SEMA3A: variants seen among roughly 807,000 people sequenced by gnomAD.
The protein encoded by SEMA3A is semaphorin 3A.
A neutral mutation model predicts 97.9 loss-of-function variants in SEMA3A; 29 were observed. The ratio of observed to expected loss-of-function variants is 0.30; its 90% CI spans 0.22 to 0.40. The LOEUF (loss-of-function observed/expected upper bound fraction) is 0.40. Among genes scored for constraint, SEMA3A ranks in the 10% least tolerant of loss-of-function variants. The probability of loss-of-function intolerance (pLI) is 1.00; values close to 1 mark genes in which losing one functional copy is unlikely to be tolerated. For synonymous variants in SEMA3A, 321 were observed against 323.7 expected (o/e 0.99, Z 0.09); for missense variants, 763 against 951.3 (o/e 0.80, Z 2.60).
At chr7:84,058,501 A>G (rs1447752707) in intron 5 of SEMA3A, among the ~76,000 whole-genome samples, 1 of 152,212 alleles carries the variant, frequency 6.6e-6, no homozygotes, top group African/African-American at 2.4e-5. Flanking sequence ...ACAGTTATAA[A>G]GAAAGCAAAT....
At chr7:83,969,654 G>T (rs889172770) in intron 15 of SEMA3A, among the ~76,000 whole-genome samples, 2 of 152,162 alleles carry the variant, frequency 1.3e-5, no homozygotes, top group Non-Finnish European at 2.9e-5. Flanking sequence ...TTATAACCCT[G>T]ATTATGATGG....
chr7:84,187,514 A>C (rs1408003935), intron 1 of SEMA3A, among the ~76,000 whole-genome samples: 1 of 151,962 alleles, frequency 6.6e-6, no homozygotes, highest in Non-Finnish European at 1.5e-5. Flanking sequence ...TGACCTGGAT[A>C]TTTTCTGATT....
chr7:84,368,069 T>G (rs1447634843), intron 2 of SEMA3A, among the ~76,000 whole-genome samples: 1 of 151,270 alleles, frequency 6.6e-6, no homozygotes, highest in East Asian at 1.9e-4. Flanking sequence ...CAATGTAATG[T>G]TATAGGTGCT....
chr7:84,071,364 C>T (rs1298566952), intron 4 of SEMA3A, among the ~76,000 whole-genome samples: 1 of 152,044 alleles, frequency 6.6e-6, no homozygotes, highest in African/African-American at 2.4e-5. Flanking sequence ...CATGAGATCA[C>T]AATCATACTA....
At position 84,014,426 on chromosome 7, in the gene SEMA3A, CT is replaced by C. The variant is rs1285742716; in HGVS notation, c.668-76del. The stretch of plus-strand genomic sequence containing the variant: ...TACCATTCTGAACAGTCCATTTTTA[CT>C]TTTTTTAACTCTTAATTGATATATT... On this transcript the variant is annotated intron_variant, in intron 6 of 16. Transcript: ENST00000265362. The C allele has an allele frequency of 8.0e-6, 9 of 1,118,226 alleles. No individual in the cohort carries two copies. The African/African-American group carries it at 8.3e-5, about 10-fold the overall frequency. The allele number at this position is 1,118,226 out of a possible 1,614,324, so 69.3% of individuals were successfully genotyped here.
chr7:84,432,632 T>TA (rs1805011494), intron 1 of SEMA3A, among the ~76,000 whole-genome samples: 1 of 152,164 alleles, frequency 6.6e-6, no homozygotes, highest in African/African-American at 2.4e-5. Context: ...AGCCAGAACA[T>TA]ACGGTATTTT....
At chr7:84,359,010 TGCTGAAAGCA>T (rs1456010737) in intron 2 of SEMA3A, among the ~76,000 whole-genome samples, 22 of 151,962 alleles carry the variant, frequency 1.4e-4, no homozygotes, top group African/African-American at 4.3e-4. Context: ...TTGCTGAAGC[TGCTGAAAGCA>T]GCTTAAGGAG....
chr7:83,995,660 G>A (rs181430380), intron 12 of SEMA3A, among the ~76,000 whole-genome samples: 1 of 152,264 alleles, frequency 6.6e-6, no homozygotes, highest in East Asian at 1.9e-4. Flanking sequence ...TTATAAGCAT[G>A]TTTTCATGAA....
chr7:84,407,626 G>A (rs181821903), intron 1 of SEMA3A, among the ~76,000 whole-genome samples: 15 of 103,790 alleles, frequency 1.4e-4, no homozygotes, highest in Admixed American at 5.4e-4. Context: ...AGGCATCACC[G>A]TACCTGACTT....
chr7:84,259,176 A>G (rs1799785788), intron 3 of SEMA3A, among the ~76,000 whole-genome samples: 1 of 152,230 alleles, frequency 6.6e-6, no homozygotes, highest in African/African-American at 2.4e-5. Flanking sequence ...CTAATCAATA[A>G]TAATTTCCAG....
chr7:84,230,956 C>T (rs778673231), intron 3 of SEMA3A, among the ~76,000 whole-genome samples: 8 of 151,854 alleles, frequency 5.3e-5, no homozygotes, highest in Non-Finnish European at 1.0e-4. Context: ...TTACAGTTTA[C>T]CCCCCAATCT....
intron 1 of SEMA3A, among the ~76,000 whole-genome samples, chr7:84,179,061 C>CA (rs1797657522): frequency 6.6e-6 from 1 of 152,148 alleles, no homozygotes; most frequent in African/African-American, 2.4e-5. Flanking sequence ...TCTCAACACT[C>CA]ACAGTTCTTT....
intron 12 of SEMA3A, among the ~76,000 whole-genome samples, chr7:83,999,797 G>T (rs1184587671): frequency 3.3e-5 from 5 of 152,084 alleles, no homozygotes; most frequent in African/African-American, 1.2e-4. Flanking sequence ...ATATTTTAGT[G>T]TCTCCTGTAA....
At chr7:84,054,384 C>T (rs1324740389) in intron 5 of SEMA3A, among the ~76,000 whole-genome samples, 1 of 151,872 alleles carries the variant, frequency 6.6e-6, no homozygotes, top group Admixed American at 6.6e-5. Context: ...TCACATAGTC[C>T]CATATTTCTT....
intron 1 of SEMA3A, among the ~76,000 whole-genome samples, chr7:84,465,331 C>G (rs1805961953): frequency 6.6e-6 from 1 of 152,036 alleles, no homozygotes; most frequent in African/African-American, 2.4e-5. Context: ...ATTTTTTTCT[C>G]TTGTATATGT....
At chr7:83,968,590 C>G (rs1370307592) in intron 15 of SEMA3A, among the ~76,000 whole-genome samples, 2 of 152,052 alleles carry the variant, frequency 1.3e-5, no homozygotes, top group Non-Finnish European at 2.9e-5. Flanking sequence ...ACCCTTATAA[C>G]TTCTTGGTAA....
chr7:83,978,351 G>A (rs1474726708), intron 14 of SEMA3A, among the ~76,000 whole-genome samples: 1 of 152,182 alleles, frequency 6.6e-6, no homozygotes, highest in East Asian at 1.9e-4. Context: ...GCAGCACGTT[G>A]TGGGTATCCT....
intron 1 of SEMA3A, among the ~76,000 whole-genome samples, chr7:84,139,278 CT>C (rs1796230109): frequency 6.6e-6 from 1 of 152,002 alleles, no homozygotes; most frequent in Non-Finnish European, 1.5e-5. Flanking sequence ...TAGGCCAAAG[CT>C]TTTAGAGGCA....
intron 2 of SEMA3A, among the ~76,000 whole-genome samples, chr7:84,329,959 T>C (rs970763263): frequency 3.7e-4 from 56 of 152,170 alleles, no homozygotes; most frequent in African/African-American, 1.3e-3. Flanking sequence ...AATTGATGTG[T>C]TTCACTATTT....
Sources: gnomAD v4.1 joint callset for allele counts (sites outside exome capture counted in the v4.1 genomes callset) on GRCh38, gnomAD v4.1.1 for gene constraint, MANE v1.5 for transcripts, NCBI Gene and HGNC (gene_info 2026-07-23, HGNC 2026-07-21) for gene names.